The following MYO1H variants were observed in gnomAD, a reference collection of about 807,000 sequenced individuals.
MYO1H encodes the protein myosin IH.
A neutral mutation model predicts 149.3 loss-of-function variants in MYO1H; 118 were observed. That is an observed-to-expected ratio of 0.79 (90% CI 0.68 to 0.92). The LOEUF (loss-of-function observed/expected upper bound fraction) is 0.92. MYO1H is among the 40% of genes least tolerant of loss of function. The pLI is 0.00. For synonymous variants in MYO1H, 447 were observed against 465.2 expected (o/e 0.96, Z 0.50); for missense variants, 1,212 against 1,280.7 (o/e 0.95, Z 0.82).
At chr12:109,436,235 C>T (rs535846286) in intron 21 of MYO1H, among the ~76,000 whole-genome samples, 1 of 152,174 alleles carries the variant, frequency 6.6e-6, no homozygotes, top group South Asian at 2.1e-4. Flanking sequence ...GCTTGTAGCA[C>T]TAGGTCTGTT....
the MYO1H span, among the ~76,000 whole-genome samples, chr12:109,314,297 T>A: frequency 6.6e-6 from 1 of 151,982 alleles, no homozygotes; most frequent in African/African-American, 2.4e-5. Context: ...TCCATTGTTA[T>A]GCTGCTCATT....
At chr12:109,430,595 C>T (rs184003379) in intron 19 of MYO1H, among the ~76,000 whole-genome samples, 4 of 152,232 alleles carry the variant, frequency 2.6e-5, no homozygotes, top group East Asian at 1.9e-4. Context: ...ATGGGACACT[C>T]GATACCCTTA....
At chr12:109,323,703 T>G in the MYO1H span, among the ~76,000 whole-genome samples, 1 of 152,184 alleles carries the variant, frequency 6.6e-6, no homozygotes, top group African/African-American at 2.4e-5. Flanking sequence ...CCTGGTAGCA[T>G]CAATGTGTCC....
chr12:109,398,741 CAAAAAAA>C (rs35031072), intron 5 of MYO1H, among the ~76,000 whole-genome samples: 24 of 52,006 alleles, frequency 4.6e-4, no homozygotes, highest in Non-Finnish European at 6.5e-4. Flanking sequence ...AACTTCCTCT[CAAAAAAA>C]AAAAAAAAAA....
At chr12:109,390,440 A>G (rs1869595844) in intron 2 of MYO1H, among the ~76,000 whole-genome samples, 1 of 151,986 alleles carries the variant, frequency 6.6e-6, no homozygotes, top group Non-Finnish European at 1.5e-5. Context: ...CAAGGAGTAT[A>G]TTAATTTTTT....
At chr12:109,354,660 A>C (rs1868547199) in intron 1 of MYO1H, among the ~76,000 whole-genome samples, 2 of 149,482 alleles carry the variant, frequency 1.3e-5, no homozygotes, top group Admixed American at 1.3e-4. Context: ...CCCAGCCTGC[A>C]ATTCCCGGGT....
chr12:109,431,422 G>A lies in MYO1H; in HGVS notation c.1950-1475G>A, dbSNP rs140934083. Among the ~76,000 whole-genome samples the A allele has an allele frequency of 5.5e-3, 834 of 151,998 alleles. 4 individuals are homozygous for A. Among genetic ancestry groups the A allele is most frequent in the African/African-American group, 0.019 (774 of 41,452 alleles). On this transcript the variant is annotated intron_variant, in intron 19 of 31. Transcript: ENST00000310903. ...TAACATAAATATAATAAGAAAGGAA[G>A]GAGCATATTGGGAACACCACTGCTA...
intron 15 of MYO1H, among the ~76,000 whole-genome samples, chr12:109,418,971 G>A (rs1304465138): frequency 6.6e-6 from 1 of 152,092 alleles, no homozygotes; most frequent in Non-Finnish European, 1.5e-5. Flanking sequence ...AAAAGGATGA[G>A]TCTCTTTGTG....
At chr12:109,429,698 T>C (rs1386761884) in intron 19 of MYO1H, among the ~76,000 whole-genome samples, 2 of 152,138 alleles carry the variant, frequency 1.3e-5, no homozygotes, top group Admixed American at 6.6e-5. Context: ...GGATATGTTA[T>C]TTGAAGAAAA....
intron 15 of MYO1H, among the ~76,000 whole-genome samples, chr12:109,418,388 A>G (rs1042041281): frequency 2.0e-5 from 3 of 151,046 alleles, no homozygotes; most frequent in Non-Finnish European, 4.4e-5. Flanking sequence ...TTGCTTCATT[A>G]CCCAGGCTAA....
At chr12:109,413,422 T>C (rs1041509573) in intron 14 of MYO1H, among the ~76,000 whole-genome samples, 3 of 152,204 alleles carry the variant, frequency 2.0e-5, no homozygotes, top group South Asian at 4.1e-4. Context: ...TAAATGGTGG[T>C]GGCTTTCTCA....
At chr12:109,313,194 T>C in the MYO1H span, among the ~76,000 whole-genome samples, 1 of 151,988 alleles carries the variant, frequency 6.6e-6, no homozygotes, top group African/African-American at 2.4e-5. Context: ...CTGCAGTGAG[T>C]TAAGATTGCA....
intron 31 of MYO1H, chr12:109,446,231 T>A: frequency 1.0e-6 from 1 of 985,444 alleles, no homozygotes. Context: ...ACAAGTACGC[T>A]GCCTTCCCTG....
At chr12:109,399,377 A>AG (rs1870058511) in intron 5 of MYO1H, among the ~76,000 whole-genome samples, 2 of 151,770 alleles carry the variant, frequency 1.3e-5, no homozygotes, top group African/African-American at 4.8e-5. Context: ...AGATCACCCG[A>AG]GGTCAGGAGT....
chr12:109,373,512 T>G (rs1008394830), intron 1 of MYO1H, among the ~76,000 whole-genome samples: 5 of 152,270 alleles, frequency 3.3e-5, no homozygotes, highest in Non-Finnish European at 7.4e-5. Context: ...TTTCTAATAT[T>G]GTATTCTTAG....
intron 16 of MYO1H, among the ~76,000 whole-genome samples, chr12:109,424,062 CTCTT>C (rs1035909596): frequency 1.2e-4 from 19 of 152,144 alleles, no homozygotes; most frequent in African/African-American, 2.4e-4. Context: ...GTATGTGTAT[CTCTT>C]TCTTTCTTTT....
intron 1 of MYO1H, among the ~76,000 whole-genome samples, chr12:109,357,883 T>C (rs913418819): frequency 3.3e-5 from 5 of 151,950 alleles, no homozygotes; most frequent in Non-Finnish European, 4.4e-5. Flanking sequence ...CATGAAATAC[T>C]ATTCTCTTGA....
intron 1 of MYO1H, among the ~76,000 whole-genome samples, chr12:109,372,922 G>A (rs903286485): frequency 6.6e-6 from 1 of 151,946 alleles, no homozygotes; most frequent in Non-Finnish European, 1.5e-5. Context: ...TGAATTTTTT[G>A]TGTGTTCCTC....
intron 1 of MYO1H, among the ~76,000 whole-genome samples, chr12:109,361,866 A>G (rs541504313): frequency 5.3e-5 from 8 of 151,806 alleles, no homozygotes; most frequent in Admixed American, 2.0e-4. Flanking sequence ...AGCAAACCCA[A>G]TGCTTTGCTG....
Sources: allele counts gnomAD v4.1 joint callset (sites outside exome capture counted in the v4.1 genomes callset), GRCh38; gene constraint gnomAD v4.1.1; transcripts MANE v1.5; gene names NCBI Gene and HGNC (gene_info 2026-07-23, HGNC 2026-07-21).